The following SPRY3 variants were observed in gnomAD, a reference collection of about 807,000 sequenced individuals.
SPRY3 encodes sprouty RTK signaling antagonist 3.
SPRY3 carries 15 observed loss-of-function variants against 20.2 expected under a neutral mutation model. That is an observed-to-expected ratio of 0.74 (90% CI 0.50 to 1.14). The LOEUF (loss-of-function observed/expected upper bound fraction) is 1.14. Among genes scored for constraint, SPRY3 ranks in the 50% most tolerant of loss-of-function variants. The pLI is 0.00. For missense variants in SPRY3, 364 were observed against 363.9 expected (o/e 1.00, Z 0.00); for synonymous variants, 143 against 136.5 (o/e 1.05, Z -0.33).
intron 2 of SPRY3, among the ~76,000 whole-genome samples, chrX:155,726,022 T>C (rs2091094689): frequency 6.6e-6 from 1 of 152,206 alleles, no homozygotes; most frequent in Non-Finnish European, 1.5e-5. Flanking sequence ...TGTTGTGTCT[T>C]TGATCTCATT....
At chrX:155,712,512 T>C (rs939389881) in intron 2 of SPRY3, among the ~76,000 whole-genome samples, 2 of 152,042 alleles carry the variant, frequency 1.3e-5, no homozygotes, top group African/African-American at 4.8e-5. Flanking sequence ...CTTCTGCTCT[T>C]TTTGGTTTCA....
At chrX:155,768,422 A>G (rs1247592566) in intron 3 of SPRY3, among the ~76,000 whole-genome samples, 1 of 152,134 alleles carries the variant, frequency 6.6e-6, no homozygotes, top group African/African-American at 2.4e-5. Flanking sequence ...CTAGCCTGTT[A>G]ACCTTTAAAT....
exon 4 of SPRY3, chrX:155,775,226 T>G: frequency 5.5e-6 from 1 of 181,802 alleles, no homozygotes; most frequent in Non-Finnish European, 1.3e-5. Flanking sequence ...CTCTTCTTTA[T>G]TCCTCTCTCC....
At chrX:155,659,259 C>G (rs1269886531) in intron 2 of SPRY3, among the ~76,000 whole-genome samples, 2 of 109,727 alleles carry the variant, frequency 1.8e-5, no homozygotes, top group African/African-American at 6.6e-5. Context: ...ATTCTACTGC[C>G]TCAGCCTCCC....
chrX:155,646,749 C>G (rs1200505624), intron 1 of SPRY3, among the ~76,000 whole-genome samples: 1 of 110,910 alleles, frequency 9.0e-6, no homozygotes, highest in Non-Finnish European at 1.9e-5. Flanking sequence ...GTTTTTCTTC[C>G]TTTCCTACTC....
intron 2 of SPRY3, among the ~76,000 whole-genome samples, chrX:155,678,678 A>G (rs1441441684): frequency 8.9e-6 from 1 of 111,818 alleles, no homozygotes. Flanking sequence ...TGAGGGAAAG[A>G]AACAGAAAAC....
At chrX:155,735,548 T>C (rs1232063363) in intron 2 of SPRY3, among the ~76,000 whole-genome samples, 1 of 152,030 alleles carries the variant, frequency 6.6e-6, no homozygotes, top group African/African-American at 2.4e-5. Context: ...AATTGACCCC[T>C]TTATTATGTA....
Position 155,761,367 on chromosome X carries a change from C to CA in SPRY3, c.-281-6587dup, listed in dbSNP as rs201013981. 1.2e-3 allele frequency among the ~76,000 whole-genome samples: 181 copies of CA among 151,340 alleles called. 2 individuals are homozygous for CA. Among genetic ancestry groups the CA allele is most frequent in the African/African-American group, 3.9e-3 (161 of 41,292 alleles). On this transcript the variant is annotated intron_variant, in intron 2 of 3. Transcript: ENST00000675360. The stretch of plus-strand genomic sequence containing the variant: ...TTTAATTTCAATTTCATTTTAGATT[C>CA]AAAAAAAACAGAATTTGTTCTTTTT...
At chrX:155,756,637 T>A (rs1175508945) in intron 2 of SPRY3, among the ~76,000 whole-genome samples, 1 of 152,062 alleles carries the variant, frequency 6.6e-6, no homozygotes, top group Non-Finnish European at 1.5e-5. Context: ...ATTCATGATT[T>A]GAGCCATCAA....
At chrX:155,773,225 A>G (rs2091392440) in intron 3 of SPRY3, among the ~76,000 whole-genome samples, 2 of 149,182 alleles carry the variant, frequency 1.3e-5, no homozygotes, top group African/African-American at 4.9e-5. Context: ...GCTTGCCTGT[A>G]TTCACTGAAT....
intron 1 of SPRY3, among the ~76,000 whole-genome samples, chrX:155,624,097 C>T (rs1178681762): frequency 4.5e-5 from 5 of 111,911 alleles, no homozygotes; most frequent in African/African-American, 9.7e-5. Flanking sequence ...AAAAAACATT[C>T]CTTGTTAGAT....
intron 2 of SPRY3, among the ~76,000 whole-genome samples, chrX:155,753,472 G>A (rs2124584947): frequency 6.6e-6 from 1 of 151,950 alleles, no homozygotes; most frequent in East Asian, 1.9e-4. Flanking sequence ...GATAGGTCAC[G>A]TTTTGTTTAG....
chrX:155,695,810 G>A (rs2068116697), intron 2 of SPRY3, among the ~76,000 whole-genome samples: 1 of 109,749 alleles, frequency 9.1e-6, no homozygotes, highest in Non-Finnish European at 1.9e-5. Context: ...TTTCTTTTTT[G>A]TGTTTTCTAT....
chrX:155,718,217 G>T (rs1409442092), intron 2 of SPRY3, among the ~76,000 whole-genome samples: 2 of 152,002 alleles, frequency 1.3e-5, no homozygotes, highest in Non-Finnish European at 2.9e-5. Context: ...ACAACTGAAA[G>T]TCTTATGATC....
chrX:155,633,119 T>G (rs2067911797), intron 1 of SPRY3, among the ~76,000 whole-genome samples: 1 of 110,985 alleles, frequency 9.0e-6, no homozygotes, highest in African/African-American at 3.3e-5. Context: ...TGGAATGAAA[T>G]AGATGGGTAG....
At chrX:155,778,444 A>G (rs1271864909), downstream of SPRY3, 3 of 167,016 alleles carry the variant, frequency 1.8e-5, no homozygotes, top group Admixed American at 2.0e-4. Context: ...TATGATGTAG[A>G]GCTATTAAGG....
intron 2 of SPRY3, among the ~76,000 whole-genome samples, chrX:155,744,775 C>A (rs528376128): frequency 1.3e-5 from 2 of 152,018 alleles, no homozygotes; most frequent in African/African-American, 4.8e-5. Context: ...CCACTCTTAG[C>A]AAACTCCTTT....
chrX:155,698,073 C>G (rs1333642659), intron 2 of SPRY3, among the ~76,000 whole-genome samples: 1 of 110,960 alleles, frequency 9.0e-6, no homozygotes, highest in African/African-American at 3.3e-5. Context: ...TTTGCACTTC[C>G]CTCATGCTTG....
intron 2 of SPRY3, among the ~76,000 whole-genome samples, chrX:155,710,221 G>A (rs866253589): frequency 2.8e-4 from 42 of 151,380 alleles, no homozygotes; most frequent in Admixed American, 2.4e-3. Flanking sequence ...ATTTTGATAC[G>A]GATTGCATTG....
Sources: allele counts gnomAD v4.1 joint callset (sites outside exome capture counted in the v4.1 genomes callset), GRCh38; gene constraint gnomAD v4.1.1; transcripts MANE v1.5; gene names NCBI Gene and HGNC (gene_info 2026-07-23, HGNC 2026-07-21).